Variants in CRACD observed in about 807,000 individuals in gnomAD.
CRACD encodes the protein capping protein inhibiting regulator of actin dynamics, also known as capping protein-inhibiting regulator of actin dynamics.
Under a neutral mutation model 106.8 loss-of-function variants are expected in CRACD, and 56 were observed. The ratio of observed to expected loss-of-function variants is 0.52; its 90% confidence interval spans 0.42 to 0.66. The LOEUF is 0.66. Among genes scored for constraint, CRACD ranks in the 30% least tolerant of loss-of-function variants. CRACD has a pLI of 0.00. For missense variants in CRACD, 1,730 were observed against 1,623.2 expected (o/e 1.07, Z -1.13); for synonymous variants, 754 against 670.8 (o/e 1.12, Z -1.92).
chr4:56,153,456 T>C (rs1323975820), intron 1 of CRACD, among the ~76,000 whole-genome samples: 2 of 152,164 alleles, frequency 1.3e-5, no homozygotes, highest in Non-Finnish European at 2.9e-5. Context: ...ATATTCTGTA[T>C]TTTACCTCCG....
At chr4:56,189,961 C>A in intron 2 of CRACD, among the ~76,000 whole-genome samples, 1 of 101,130 alleles carries the variant, frequency 9.9e-6, no homozygotes, top group African/African-American at 3.7e-5. Flanking sequence ...CAATGCTAAC[C>A]CTCCCCCCTC....
intron 1 of CRACD, among the ~76,000 whole-genome samples, chr4:56,123,711 G>T (rs909021916): frequency 1.3e-5 from 2 of 152,134 alleles, no homozygotes; most frequent in Non-Finnish European, 2.9e-5. Context: ...TGGGATTCCA[G>T]TCTGGGCATC....
chr4:56,056,554 C>G (rs546865723), intron 1 of CRACD, among the ~76,000 whole-genome samples: 25 of 149,916 alleles, frequency 1.7e-4, no homozygotes, highest in South Asian at 2.1e-4. Flanking sequence ...AATTCCAGAC[C>G]AGCTGGGCAA....
intron 2 of CRACD, among the ~76,000 whole-genome samples, chr4:56,238,332 A>G (rs1348738996): frequency 1.3e-5 from 2 of 152,244 alleles, no homozygotes; most frequent in African/African-American, 2.4e-5. Context: ...ATCTTTCTCT[A>G]TATGTGGTCT....
chr4:56,219,205 ATTCC>A (rs2109509083), intron 2 of CRACD, among the ~76,000 whole-genome samples: 1 of 152,322 alleles, frequency 6.6e-6, no homozygotes, highest in South Asian at 2.1e-4. Flanking sequence ...GTAACAGGAA[ATTCC>A]TTCATTTGAG....
chr4:56,139,573 C>T (rs756045287), intron 1 of CRACD, among the ~76,000 whole-genome samples: 5 of 152,162 alleles, frequency 3.3e-5, no homozygotes, highest in Non-Finnish European at 5.9e-5. Context: ...GCAATGTCTG[C>T]TCAGTTTCAT....
At chr4:56,103,975 T>C (rs1295675693) in intron 1 of CRACD, among the ~76,000 whole-genome samples, 2 of 152,204 alleles carry the variant, frequency 1.3e-5, no homozygotes, top group African/African-American at 2.4e-5. Context: ...GGTTTCACCA[T>C]GTTGATCAGG....
intron 2 of CRACD, among the ~76,000 whole-genome samples, chr4:56,199,826 C>T (rs897813790): frequency 6.6e-6 from 1 of 151,990 alleles, no homozygotes; most frequent in Non-Finnish European, 1.5e-5. Context: ...GACATTTTCT[C>T]TTCTTTGAGC....
chr4:56,318,200 T>C (rs1745808976), intron 8 of CRACD, among the ~76,000 whole-genome samples: 1 of 152,154 alleles, frequency 6.6e-6, no homozygotes, highest in African/African-American at 2.4e-5. Flanking sequence ...TCTTGCTATG[T>C]TGCCCAGGCT....
intron 1 of CRACD, among the ~76,000 whole-genome samples, chr4:56,135,728 A>T (rs1314618892): frequency 6.6e-6 from 1 of 152,218 alleles, no homozygotes; most frequent in Non-Finnish European, 1.5e-5. Context: ...GGTAACTTGA[A>T]GTTTCCTTGA....
chr4:56,143,063 T>C (rs998217099), intron 1 of CRACD, among the ~76,000 whole-genome samples: 5 of 151,978 alleles, frequency 3.3e-5, no homozygotes, highest in African/African-American at 1.2e-4. Context: ...AACTATAATA[T>C]CTAATTCTAG....
At chr4:56,195,546 T>C (rs1222183600) in intron 2 of CRACD, among the ~76,000 whole-genome samples, 1 of 152,118 alleles carries the variant, frequency 6.6e-6, no homozygotes, top group East Asian at 1.9e-4. Context: ...GAAAAGCACA[T>C]GGAATTTAAT....
At chr4:56,180,101 C>T (rs1464108436) in intron 2 of CRACD, among the ~76,000 whole-genome samples, 1 of 152,068 alleles carries the variant, frequency 6.6e-6, no homozygotes, top group Non-Finnish European at 1.5e-5. Context: ...TCTCATGGTG[C>T]TTTTGAGCCA....
At chr4:56,297,610 TAA>T (rs1488773458) in intron 3 of CRACD, among the ~76,000 whole-genome samples, 1 of 152,112 alleles carries the variant, frequency 6.6e-6, no homozygotes, top group Admixed American at 6.5e-5. Context: ...AATAAAAATT[TAA>T]AAAGTTTTTG....
intron 1 of CRACD, among the ~76,000 whole-genome samples, chr4:56,115,205 A>G (rs1359619119): frequency 6.6e-6 from 1 of 152,214 alleles, no homozygotes; most frequent in African/African-American, 2.4e-5. Context: ...TTTCAAACCC[A>G]TATCATAACC....
intron 2 of CRACD, among the ~76,000 whole-genome samples, chr4:56,241,033 G>T (rs936853476): frequency 6.6e-6 from 1 of 152,138 alleles, no homozygotes; most frequent in Admixed American, 6.5e-5. Flanking sequence ...AGCTCAGAGC[G>T]TTATCAGCTG....
At chr4:56,324,411 G>T in intron 10 of CRACD, 145 bp downstream of exon 10, 1 of 729,436 alleles carries the variant, frequency 1.4e-6, no homozygotes, top group South Asian at 2.5e-5. Flanking sequence ...CATAAACGTT[G>T]ACACTGATTA....
chr4:56,143,205 G>A (rs1024777028), intron 1 of CRACD, among the ~76,000 whole-genome samples: 1 of 151,784 alleles, frequency 6.6e-6, no homozygotes, highest in African/African-American at 2.4e-5. Context: ...TTGTTGTCAT[G>A]AATAGTCTTC....
At position 56,316,123 on chromosome 4, in the gene CRACD, G is replaced by C. The variant is rs754249640; in HGVS notation, c.2621G>C (p.Ser874Thr). Residue 874 changes from serine to threonine, a missense_variant, in exon 8 of 11, where the codon AGC (serine) becomes ACC (threonine). Physicochemically the swap from Ser to Thr is moderately conservative, Grantham distance 58. This residue lies in a region of CRACD where 1,620 missense variants were observed against 1,481.6 expected (regional missense o/e 1.09). Coordinates refer to ENST00000682029, the MANE Select transcript of CRACD (RefSeq NM_001393381.1). ...AEQKKKKRHS[S>T]TGDSADAGPP... ...CAGAAGAAGAAGAAGAGGCACAGCA[G>C]CACCGGAGACAGCGCGGATGCAGGG... is the stretch of plus-strand genomic sequence containing the variant. The C allele has an allele frequency of 6.2e-7, 1 of 1,614,148 alleles. No individual in the cohort carries two copies. The highest frequency in any genetic ancestry group is 8.5e-7 in the Non-Finnish European group (1 of 1,180,034).
Sources: gnomAD v4.1 joint callset for allele counts (sites outside exome capture counted in the v4.1 genomes callset) on GRCh38, gnomAD v4.1.1 for gene constraint, gnomAD v4.1.1 regional missense constraint, MANE v1.5 for transcripts, NCBI Gene and HGNC (gene_info 2026-07-23, HGNC 2026-07-21) for gene names.